DTD1: variants seen among roughly 807,000 people sequenced by gnomAD.
The protein encoded by DTD1 is D-aminoacyl-tRNA deacylase 1.
Under a neutral mutation model 25.6 loss-of-function variants are expected in DTD1, and 13 were observed. The ratio of observed to expected loss-of-function variants is 0.51; its 90% CI spans 0.33 to 0.81. The LOEUF is 0.81. Ranked by LOEUF, DTD1 falls within the 30% of genes least tolerant of loss-of-function variation. The probability of loss-of-function intolerance (pLI) is 0.02; values close to 1 mark genes in which losing one functional copy is unlikely to be tolerated. For missense variants in DTD1, 193 were observed against 266.4 expected (o/e 0.72, Z 1.92); for synonymous variants, 110 against 103.6 (o/e 1.06, Z -0.37).
intron 4 of DTD1, among the ~76,000 whole-genome samples, chr20:18,734,326 A>G (rs2061248483): frequency 6.6e-6 from 1 of 152,212 alleles, no homozygotes; most frequent in African/African-American, 2.4e-5. Context: ...GAGATGTCCC[A>G]CTTCTGAAGG....
chr20:18,595,370 G>A (rs6081234), intron 2 of DTD1, among the ~76,000 whole-genome samples: 48,192 of 151,824 alleles, frequency 0.32, 8,035 homozygotes, highest in Non-Finnish European at 0.37. Context: ...TGGTTCAAGC[G>A]ATTTTTGTGC....
At chr20:18,754,521 C>T (rs555258466) in intron 5 of DTD1, among the ~76,000 whole-genome samples, 4 of 152,186 alleles carry the variant, frequency 2.6e-5, no homozygotes, top group African/African-American at 7.2e-5. Flanking sequence ...GCACATTACC[C>T]CTTATCCAGG....
At chr20:18,636,264 T>C (rs1311430913) in intron 4 of DTD1, among the ~76,000 whole-genome samples, 8 of 152,242 alleles carry the variant, frequency 5.3e-5, no homozygotes, top group Non-Finnish European at 8.8e-5. Flanking sequence ...ATTTATACAT[T>C]GTGCATAGCA....
At chr20:18,677,102 T>C (rs1568665936) in intron 4 of DTD1, among the ~76,000 whole-genome samples, 1 of 152,272 alleles carries the variant, frequency 6.6e-6, no homozygotes, top group East Asian at 1.9e-4. Flanking sequence ...GTGAACTTTA[T>C]GAGCAAGTAA....
At chr20:18,744,397 G>A in intron 5 of DTD1, 126 bp downstream of exon 5, 1 of 1,055,476 alleles carries the variant, frequency 9.5e-7, no homozygotes, top group Non-Finnish European at 1.3e-6. Flanking sequence ...CCTTAAATCT[G>A]CTGCCTTCCA....
intron 5 of DTD1, among the ~76,000 whole-genome samples, chr20:18,747,930 A>C (rs776817961): frequency 1.3e-5 from 2 of 152,042 alleles, no homozygotes; most frequent in Non-Finnish European, 2.9e-5. Context: ...GAGGCAGGAG[A>C]ATCTCTTGAA....
chr20:18,704,448 T>C (rs2061117964), intron 4 of DTD1, among the ~76,000 whole-genome samples: 1 of 151,860 alleles, frequency 6.6e-6, no homozygotes. Context: ...TTCAAAAGGG[T>C]GTGTGCAAGG....
chr20:18,709,453 T>C (rs573929294), intron 4 of DTD1, among the ~76,000 whole-genome samples: 58 of 152,302 alleles, frequency 3.8e-4, no homozygotes, highest in Non-Finnish European at 6.5e-4. Flanking sequence ...CATTTCTTTC[T>C]GGAAGGTGTT....
At position 18,593,713 on chromosome 20, in the gene DTD1, C is replaced by T. The variant is rs1257864117; in HGVS notation, c.44-18C>T. On this transcript the variant is annotated intron_variant, in intron 1 of 5. Transcript: ENST00000377452. Reference sequence around the variant, plus strand: ...TGTTTGGTTCTGAGTTCTTCTCTCCCTTTTGGTTCCTTTCTAGTTGGAGGA... The same window carrying T: ...TGTTTGGTTCTGAGTTCTTCTCTCCTTTTTGGTTCCTTTCTAGTTGGAGGA... 1.2e-6 allele frequency: 2 copies of T among 1,604,952 alleles called. No individual in the cohort carries two copies. Among genetic ancestry groups the T allele is most frequent in the African/African-American group, 1.3e-5 (1 of 74,844 alleles).
At chr20:18,589,610 T>G (rs1407404537) in intron 1 of DTD1, among the ~76,000 whole-genome samples, 1 of 152,210 alleles carries the variant, frequency 6.6e-6, no homozygotes, top group Non-Finnish European at 1.5e-5. Context: ...TTTAAATTCA[T>G]GAAAACTGGG....
At chr20:18,734,928 G>T (rs1322737648) in intron 4 of DTD1, among the ~76,000 whole-genome samples, 1 of 152,224 alleles carries the variant, frequency 6.6e-6, no homozygotes, top group Non-Finnish European at 1.5e-5. Context: ...GCGGGGTCTG[G>T]CTGGGCACGT....
chr20:18,667,778 C>A lies in DTD1; in HGVS notation c.477+39545C>A, dbSNP rs142775383. Among the ~76,000 whole-genome samples, 61 of 152,278 alleles carry A rather than the reference C, an allele frequency of 4.0e-4. 1 individual carries two copies. In the East Asian group the frequency reaches 0.01, roughly 26 times the overall value. ...TGCCAGGTTTCCACAGAAAGCCCCC[C>A]ACCTGAGCGCCCTCTCCCTTCTCCC... On this transcript the variant is annotated intron_variant, in intron 4 of 5. Transcript: ENST00000377452.
At chr20:18,655,379 G>T (rs1055647435) in intron 4 of DTD1, among the ~76,000 whole-genome samples, 4 of 152,160 alleles carry the variant, frequency 2.6e-5, no homozygotes, top group Non-Finnish European at 5.9e-5. Context: ...TAGTTTTCTC[G>T]CTTCTTTTAG....
In DTD1 at chr20:18,676,256, T is replaced by C. The variant is rs552393259; in HGVS notation, c.477+48023T>C. 3.0e-4 allele frequency among the ~76,000 whole-genome samples: 45 copies of C among 152,310 alleles called. No homozygotes were observed. In the South Asian group the frequency reaches 9.1e-3, roughly 31 times the overall value. ...GAGCTCCTCTGTGATGTTTGTATGT[T>C]GTACCCTTAACTGGCAGAGTTTGCA... On this transcript the variant is annotated intron_variant, in intron 4 of 5. Coordinates refer to ENST00000377452, the MANE Select transcript of DTD1 (RefSeq NM_080820.6).
At chr20:18,606,816 T>C (rs2060661075) in intron 3 of DTD1, among the ~76,000 whole-genome samples, 1 of 143,110 alleles carries the variant, frequency 7.0e-6, no homozygotes, top group African/African-American at 2.6e-5. Flanking sequence ...TTGGAAGATA[T>C]ACCTAATGCT....
chr20:18,715,881 G>A (rs1244134639), intron 4 of DTD1, among the ~76,000 whole-genome samples: 2 of 152,120 alleles, frequency 1.3e-5, no homozygotes, highest in Non-Finnish European at 2.9e-5. Flanking sequence ...TGAGTCTCCA[G>A]CATGCAGATA....
chr20:18,748,067 G>A (rs1221218286), intron 5 of DTD1, among the ~76,000 whole-genome samples: 2 of 151,906 alleles, frequency 1.3e-5, no homozygotes, highest in Non-Finnish European at 2.9e-5. Context: ...CAACTTGAAT[G>A]TTCAGACTCC....
chr20:18,689,279 C>T (rs1429653121), intron 4 of DTD1, among the ~76,000 whole-genome samples: 3 of 152,146 alleles, frequency 2.0e-5, no homozygotes, highest in East Asian at 1.9e-4. Context: ...CTGCCCTCCA[C>T]TGCCCGCCCC....
intron 4 of DTD1, among the ~76,000 whole-genome samples, chr20:18,683,594 G>T (rs2061005434): frequency 2.0e-5 from 3 of 152,186 alleles, no homozygotes; most frequent in African/African-American, 7.2e-5. Flanking sequence ...TGTAAGTGCA[G>T]GTTGAAGACA....
Sources: gnomAD v4.1 joint callset for allele counts (sites outside exome capture counted in the v4.1 genomes callset) on GRCh38, gnomAD v4.1.1 for gene constraint, MANE v1.5 for transcripts, NCBI Gene and HGNC (gene_info 2026-07-23, HGNC 2026-07-21) for gene names.